The following MARK4 variants were observed in gnomAD, a reference collection of about 807,000 sequenced individuals.
MARK4 encodes the protein microtubule affinity regulating kinase 4, also known as MAP/microtubule affinity-regulating kinase 4.
Under a neutral mutation model 81.5 loss-of-function variants are expected in MARK4, and 19 were observed. The ratio of observed to expected loss-of-function variants is 0.23; its 90% CI spans 0.16 to 0.34. The LOEUF is 0.34. Ranked by LOEUF, MARK4 falls within the 10% of genes least tolerant of loss-of-function variation. The pLI is 1.00. For synonymous variants in MARK4, 436 were observed against 439.0 expected, an observed-to-expected ratio of 0.99 and a Z score of 0.08; for missense variants, 772 against 1,058.8, an observed-to-expected ratio of 0.73 and a Z score of 3.76.
chr19:45,297,821 G>C lies in MARK4; in HGVS notation c.1744G>C (p.Gly582Arg). The change falls in exon 15 of 17, where the codon GGG becomes CGG. Residue 582 changes from glycine to arginine, a missense_variant. Gly to Arg is a moderately radical substitution (Grantham distance 125). Around this residue, in one of 3 missense-constraint regions of MARK4, gnomAD observed 548 missense variants for 624.3 expected, o/e 0.88. Transcript: ENST00000262891. The part of the protein sequence containing the change: ...GQVRDRRAGG[G>R]GGGGVQNGPP... ...GGTCCGGGACCGGCGGGCAGGGGGT[G>C]GGGGTGGTGGGGGTGTGCAGAATGG... is the stretch of plus-strand genomic sequence containing the variant. The C allele has an allele frequency of 6.5e-7, 1 of 1,540,904 alleles. No individual in the cohort carries two copies. The highest frequency in any genetic ancestry group is 8.8e-7 in the Non-Finnish European group (1 of 1,141,750).
intron 8 of MARK4, among the ~76,000 whole-genome samples, chr19:45,274,470 A>C (rs924640108): frequency 6.6e-6 from 1 of 151,810 alleles, no homozygotes; most frequent in Admixed American, 6.6e-5. Context: ...GTCTCTACCA[A>C]AAACACAAAA....
intron 15 of MARK4, among the ~76,000 whole-genome samples, chr19:45,298,912 C>T (rs1395477124): frequency 6.6e-6 from 1 of 151,620 alleles, no homozygotes; most frequent in Non-Finnish European, 1.5e-5. Context: ...CCTATCTCTA[C>T]AAAAAAGTAA....
intron 15 of MARK4, among the ~76,000 whole-genome samples, chr19:45,298,544 A>G (rs540896078): frequency 2.0e-5 from 3 of 152,298 alleles, no homozygotes; most frequent in African/African-American, 7.2e-5. Flanking sequence ...CTGAGCGTAG[A>G]ACATTGCCTT....
chr19:45,269,437 T>A (rs952328031), intron 7 of MARK4, among the ~76,000 whole-genome samples: 6 of 151,644 alleles, frequency 4.0e-5, no homozygotes, highest in African/African-American at 1.5e-4. Context: ...TACATTCAGG[T>A]TTAGGGAGGA....
At chr19:45,258,873 T>G in intron 1 of MARK4, 116 bp from the exon 2 acceptor site, 1 of 1,107,642 alleles carries the variant, frequency 9.0e-7, no homozygotes, top group Non-Finnish European at 1.3e-6. Flanking sequence ...CTCTGGGGCC[T>G]GAGTTTGAAA....
At position 45,271,742 on chromosome 19, in the gene MARK4, C is replaced by G. The variant is rs1399270866; in HGVS notation, c.786+34C>G. 2 of 1,594,748 alleles carry G rather than the reference C, an allele frequency of 1.3e-6. No individual in the cohort carries two copies. Among genetic ancestry groups the G allele is most frequent in the Non-Finnish European group, 1.7e-6 (2 of 1,166,426 alleles). On this transcript the variant is annotated intron_variant, in intron 8 of 16. Transcript: ENST00000262891. This position sits in a 1 kb window ranked among gnomAD's most constrained non-coding sequence, Gnocchi z 4.1. ...AGGGGCTGGGTGCAGGGGCATCAGC[C>G]CCTCCCCACAGTCAGGCCCCTATCC...
intron 14 of MARK4, 59 bp downstream of exon 14, chr19:45,294,511 C>A (rs1055693255): frequency 7.1e-7 from 1 of 1,410,708 alleles, no homozygotes; most frequent in East Asian, 2.3e-5. Flanking sequence ...TGAACAGGAC[C>A]TCCCTTGATC....
chr19:45,255,903 C>T (rs1438328968), intron 1 of MARK4, among the ~76,000 whole-genome samples: 1 of 150,822 alleles, frequency 6.6e-6, no homozygotes, highest in Non-Finnish European at 1.5e-5. Context: ...GGGAGACAGT[C>T]CCTGGGGCTT....
intron 16 of MARK4, among the ~76,000 whole-genome samples, chr19:45,300,341 T>A (rs1970951212): frequency 8.5e-5 from 1 of 11,744 alleles, no homozygotes; most frequent in Non-Finnish European, 2.0e-4. Flanking sequence ...TGAAACTCCG[T>A]CTGAAAAAAA....
intron 13 of MARK4, chr19:45,287,997 G>C (rs1970769367): frequency 3.0e-6 from 1 of 337,432 alleles, no homozygotes; most frequent in African/African-American, 2.1e-5. Context: ...CTGGCATTTT[G>C]GGAGGCCGAG....
rs745321890 is a variant in MARK4, at chr19:45,302,451, C to T, written c.2000C>T (p.Ser667Leu). 9 of 1,613,738 alleles carry T rather than the reference C, an allele frequency of 5.6e-6. No individual in the cohort carries two copies. In the East Asian group the frequency reaches 1.1e-4, roughly 20 times the overall value. The change falls in exon 17 of 17, where the codon TCG (serine) becomes TTG (leucine). Residue 667 changes from serine (S) to leucine (L), a missense_variant. Transcript: ENST00000262891. This position sits in a 1 kb window ranked among gnomAD's most constrained non-coding sequence, Gnocchi z 4.9. The part of the protein sequence containing the change: ...RFPWSVKLTS[S>L]RPPEALMAAL... ...CCCTGGAGTGTGAAGCTGACCAGCT[C>T]GCGCCCTCCTGAGGCCCTGATGGCA...
intron 8 of MARK4, among the ~76,000 whole-genome samples, chr19:45,276,287 G>A (rs559073462): frequency 1.3e-4 from 20 of 152,236 alleles, no homozygotes; most frequent in South Asian, 4.1e-4. Flanking sequence ...TTGGCCTCCC[G>A]AAGTGCTGGG....
chr19:45,274,241 T>G (rs1970570419), intron 8 of MARK4, among the ~76,000 whole-genome samples: 1 of 151,666 alleles, frequency 6.6e-6, no homozygotes, highest in African/African-American at 2.4e-5. Context: ...AGAGCGAGAC[T>G]CCATCTCAAA....
chr19:45,297,810 G>A lies in MARK4; in HGVS notation c.1733G>A (p.Arg578Gln), dbSNP rs867551302. Residue 578 changes from arginine (R) to glutamine (Q), a missense_variant, in exon 15 of 17, where the codon CGG (arginine) becomes CAG (glutamine). Around this residue, in one of 3 missense-constraint regions of MARK4, gnomAD observed 548 missense variants for 624.3 expected, o/e 0.88. Coordinates refer to ENST00000262891, the MANE Select transcript of MARK4 (RefSeq NM_001199867.2). ...TFHGGQVRDR[R>Q]AGGGGGGGVQ... ...CATGGTGGCCAGGTCCGGGACCGGC[G>A]GGCAGGGGGTGGGGGTGGTGGGGGT... 7 of 1,547,276 alleles carry A rather than the reference G, an allele frequency of 4.5e-6. No individual in the cohort carries two copies. The highest frequency in any genetic ancestry group is 2.4e-5 in the East Asian group (1 of 42,098).
At chr19:45,267,466 C>G (rs767020990) in intron 7 of MARK4, among the ~76,000 whole-genome samples, 1 of 152,196 alleles carries the variant, frequency 6.6e-6, no homozygotes. Flanking sequence ...GCAGCCTCCT[C>G]GAGTACCTGT....
intron 13 of MARK4, among the ~76,000 whole-genome samples, chr19:45,289,674 G>A (rs1384630757): frequency 6.6e-6 from 1 of 151,840 alleles, no homozygotes; most frequent in African/African-American, 2.4e-5. Context: ...GGAGGCTGAG[G>A]CAGGAGAATT....
chr19:45,267,789 T>C (rs1015831877), intron 7 of MARK4, among the ~76,000 whole-genome samples: 27 of 152,228 alleles, frequency 1.8e-4, no homozygotes, highest in South Asian at 1.7e-3. Context: ...GCCTCCTGGG[T>C]AGCTGGAACC....
intron 13 of MARK4, 178 bp downstream of exon 13, chr19:45,287,842 A>G (rs1215186278): frequency 8.3e-6 from 6 of 720,438 alleles, no homozygotes; most frequent in African/African-American, 3.5e-5. Flanking sequence ...CAGTTTATAC[A>G]CTAACATTTG....
At chr19:45,256,908 A>T (rs1267538928) in intron 1 of MARK4, among the ~76,000 whole-genome samples, 1 of 151,950 alleles carries the variant, frequency 6.6e-6, no homozygotes, top group East Asian at 1.9e-4. Context: ...AAACTTTTTC[A>T]TCATTATTAT....
Sources: gnomAD v4.1 joint callset for allele counts (sites outside exome capture counted in the v4.1 genomes callset) on GRCh38, gnomAD v4.1.1 for gene constraint, gnomAD v4.1.1 regional missense constraint, Gnocchi (gnomAD v3.1) non-coding constraint, MANE v1.5 for transcripts, NCBI Gene and HGNC (gene_info 2026-07-23, HGNC 2026-07-21) for gene names.